CPXM2: variants seen among roughly 807,000 people sequenced by gnomAD.
CPXM2 encodes carboxypeptidase X, M14 family member 2, also known as inactive carboxypeptidase-like protein X2.
A neutral mutation model predicts 86.1 loss-of-function variants in CPXM2; 66 were observed. The ratio of observed to expected loss-of-function variants is 0.77; its 90% confidence interval spans 0.63 to 0.94. The LOEUF is 0.94. Ranked by LOEUF, CPXM2 falls within the 40% of genes least tolerant of loss-of-function variation. CPXM2 has a pLI of 0.00. For missense variants in CPXM2, 948 were observed against 1,026.3 expected (o/e 0.92, Z 1.04); for synonymous variants, 388 against 400.2 (o/e 0.97, Z 0.36).
At chr10:123,914,941 C>G (rs1027937067) in intron 2 of CPXM2, among the ~76,000 whole-genome samples, 46 of 152,196 alleles carry the variant, frequency 3.0e-4, no homozygotes, top group African/African-American at 1.1e-3. Flanking sequence ...CAGCTCATAA[C>G]AACAAATGGA....
At chr10:123,861,648 T>G (rs539817731) in intron 3 of CPXM2, among the ~76,000 whole-genome samples, 1 of 152,222 alleles carries the variant, frequency 6.6e-6, no homozygotes, top group Non-Finnish European at 1.5e-5. Flanking sequence ...GGCAGTCACA[T>G]GAAGACTCCA....
intron 4 of CPXM2, among the ~76,000 whole-genome samples, chr10:123,830,172 T>TTTTGCAC (rs1848135758): frequency 6.6e-6 from 1 of 152,150 alleles, no homozygotes; most frequent in African/African-American, 2.4e-5. Flanking sequence ...AAATTCAAAA[T>TTTTGCAC]TTTTGCACAG....
chr10:123,798,211 G>T, intron 5 of CPXM2, 85 bp from the exon 6 acceptor site: 2 of 1,072,228 alleles, frequency 1.9e-6, no homozygotes, highest in Non-Finnish European at 1.3e-6. Context: ...CATTCAACAA[G>T]ACTTTATTGA....
intron 2 of CPXM2, among the ~76,000 whole-genome samples, chr10:123,908,206 C>T (rs923426500): frequency 4.6e-5 from 7 of 150,968 alleles, no homozygotes; most frequent in Non-Finnish European, 8.8e-5. Flanking sequence ...ACCAGTAGGA[C>T]GTCCTGGAGT....
chr10:123,781,655 T>C (rs1846937810), intron 6 of CPXM2, among the ~76,000 whole-genome samples: 1 of 152,190 alleles, frequency 6.6e-6, no homozygotes, highest in Non-Finnish European at 1.5e-5. Context: ...CTCTGTGTTA[T>C]GTGGAGCAGC....
intron 1 of CPXM2, among the ~76,000 whole-genome samples, chr10:123,882,781 AC>A (rs375484959): frequency 1.1e-3 from 145 of 137,390 alleles, no homozygotes; most frequent in Middle Eastern, 3.6e-3. Flanking sequence ...GGCCTAGGCA[AC>A]CCCCCCCCAC....
chr10:123,795,668 G>A (rs948314740), intron 6 of CPXM2, among the ~76,000 whole-genome samples: 4 of 151,850 alleles, frequency 2.6e-5, no homozygotes, highest in Non-Finnish European at 5.9e-5. Flanking sequence ...GTGAACAGCC[G>A]CTCCCCTCTG....
chr10:123,791,108 C>T (rs1433093016), intron 6 of CPXM2, among the ~76,000 whole-genome samples: 2 of 152,098 alleles, frequency 1.3e-5, no homozygotes, highest in Non-Finnish European at 2.9e-5. Context: ...AAGCACACCA[C>T]ACTCCAGGTG....
chr10:123,907,748 G>A (rs746833983), intron 2 of CPXM2, among the ~76,000 whole-genome samples: 3 of 151,666 alleles, frequency 2.0e-5, no homozygotes, highest in Non-Finnish European at 4.4e-5. Context: ...GCCAAGAAAG[G>A]GACTGGACCC....
chr10:123,827,350 C>T (rs1368985231), intron 4 of CPXM2, among the ~76,000 whole-genome samples: 1 of 152,114 alleles, frequency 6.6e-6, no homozygotes, highest in East Asian at 1.9e-4. Context: ...ATACCAAAAA[C>T]CAACAAAGAT....
In CPXM2 at chr10:123,800,082, C is replaced by G. The variant is rs572168600; in HGVS notation, c.654-883G>C. On this transcript the variant is annotated intron_variant, in intron 4 of 13. Transcript: ENST00000241305. The stretch of plus-strand genomic sequence containing the variant: ...TTCTGCCCATTGAAGTATTTGGAAT[C>G]CTTTTCCTACTTGCCTGCTTGCCCT... Among the ~76,000 whole-genome samples the G allele has an allele frequency of 6.5e-4, 83 of 128,034 alleles. 1 individual carries two copies. The South Asian group carries it at 0.021, about 33-fold the overall frequency. The allele number at this position is 128,034 out of a possible 152,430, so 84.0% of individuals were successfully genotyped here. A position where few individuals can be genotyped will look rare whatever the true frequency, so the allele number is the denominator to read the frequency against.
At chr10:123,797,894 G>A (rs1053395229) in intron 6 of CPXM2, 82 bp downstream of exon 6, 109 of 1,385,716 alleles carry the variant, frequency 7.9e-5, no homozygotes, top group Non-Finnish European at 9.7e-5. Context: ...GGTCTGCTTA[G>A]TTTATTTTTA....
upstream of CPXM2, among the ~76,000 whole-genome samples, chr10:123,942,505 C>T (rs1225341253): frequency 2.6e-5 from 4 of 152,162 alleles, no homozygotes; most frequent in Non-Finnish European, 4.4e-5. Flanking sequence ...ATAATGCATT[C>T]GCATGCTAAA....
At chr10:123,819,211 T>C (rs146472938) in intron 4 of CPXM2, among the ~76,000 whole-genome samples, 6 of 152,302 alleles carry the variant, frequency 3.9e-5, no homozygotes, top group Non-Finnish European at 7.4e-5. Flanking sequence ...AGAGTATGCA[T>C]GGACTACGGG....
intron 6 of CPXM2, among the ~76,000 whole-genome samples, chr10:123,785,466 T>C (rs1464340439): frequency 1.3e-5 from 2 of 152,170 alleles, no homozygotes; most frequent in African/African-American, 4.8e-5. Flanking sequence ...GTCCCAGATT[T>C]TCCCAGGACT....
chr10:123,797,351 A>G (rs1847354836), intron 6 of CPXM2, among the ~76,000 whole-genome samples: 1 of 152,054 alleles, frequency 6.6e-6, no homozygotes, highest in Admixed American at 6.6e-5. Context: ...TTTCAACATA[A>G]TTTTCTTTTT....
chr10:123,828,155 A>T (rs1848086110), intron 4 of CPXM2, among the ~76,000 whole-genome samples: 1 of 152,118 alleles, frequency 6.6e-6, no homozygotes, highest in Non-Finnish European at 1.5e-5. Flanking sequence ...TAGGTAACAG[A>T]GCAAGACCTC....
chr10:123,863,304 C>G (rs1207766880), intron 2 of CPXM2, among the ~76,000 whole-genome samples: 2 of 152,192 alleles, frequency 1.3e-5, no homozygotes, highest in African/African-American at 4.8e-5. Context: ...CTGCTGTTTG[C>G]CCCCACGCCC....
At position 123,880,296 on chromosome 10, in the gene CPXM2, GT is replaced by G; in HGVS notation, c.317del (p.Asn106ThrfsTer5). On this transcript the variant is annotated frameshift_variant, in exon 2 of 14. Coordinates refer to ENST00000241305, the MANE Select transcript of CPXM2 (RefSeq NM_198148.3). LOFTEE classifies it high-confidence loss of function. ...AGCTCTTGGTTCTCATAACTTTTTT[GT>G]TGCTGTGTTTACCTAAAGGGGGAGA... is the stretch of plus-strand genomic sequence containing the variant. ...PEPPPPGKHS[N>X]KKVMRTKSSE... The G allele has an allele frequency of 6.5e-7, 1 of 1,546,348 alleles. No individual in the cohort carries two copies. Among genetic ancestry groups the G allele is most frequent in the Non-Finnish European group, 8.9e-7 (1 of 1,118,340 alleles).
Sources: gnomAD v4.1 joint callset for allele counts (sites outside exome capture counted in the v4.1 genomes callset) on GRCh38, gnomAD v4.1.1 for gene constraint, MANE v1.5 for transcripts, NCBI Gene and HGNC (gene_info 2026-07-23, HGNC 2026-07-21) for gene names.